KDM4C: variants seen among roughly 807,000 people sequenced by gnomAD.
KDM4C encodes lysine demethylase 4C.
Under a neutral mutation model 129.3 loss-of-function variants are expected in KDM4C, and 81 were observed. The ratio of observed to expected loss-of-function variants is 0.63; its 90% CI spans 0.52 to 0.75. The LOEUF (loss-of-function observed/expected upper bound fraction) is 0.75. Ranked by LOEUF, KDM4C falls within the 30% of genes least tolerant of loss-of-function variation. KDM4C has a pLI of 0.00. For missense variants in KDM4C, 1,457 were observed against 1,304.0 expected (o/e 1.12, Z -1.81); for synonymous variants, 573 against 456.1 (o/e 1.26, Z -3.26).
chr9:6,793,228 GA>G, intron 2 of KDM4C, 96 bp downstream of exon 2: 1 of 1,326,614 alleles, frequency 7.5e-7, no homozygotes, highest in African/African-American at 1.5e-5. Context: ...TCTGAAGGAA[GA>G]AATTTGCAAA....
chr9:6,965,563 A>G (rs1023314027), intron 8 of KDM4C, among the ~76,000 whole-genome samples: 29 of 152,238 alleles, frequency 1.9e-4, no homozygotes, highest in African/African-American at 3.6e-4. Context: ...TCTGCAGTCA[A>G]TAAGTTGAAT....
intron 1 of KDM4C, among the ~76,000 whole-genome samples, chr9:6,789,948 C>G (rs1826209637): frequency 1.3e-5 from 2 of 151,864 alleles, no homozygotes; most frequent in South Asian, 4.2e-4. Context: ...TCTCCTACTT[C>G]CTCATGTGTG....
chr9:7,023,242 AT>A (rs1177436215), intron 15 of KDM4C, among the ~76,000 whole-genome samples: 2 of 152,154 alleles, frequency 1.3e-5, no homozygotes, highest in Non-Finnish European at 2.9e-5. Context: ...GTTTGGTAGA[AT>A]TCAGCACTGA....
intron 15 of KDM4C, among the ~76,000 whole-genome samples, chr9:7,029,553 A>G (rs1359448318): frequency 1.3e-5 from 2 of 151,902 alleles, no homozygotes; most frequent in Non-Finnish European, 2.9e-5. Context: ...AAGAATTTAA[A>G]TTATAAAATT....
At chr9:6,999,141 G>C (rs567486435) in intron 12 of KDM4C, among the ~76,000 whole-genome samples, 37 of 152,302 alleles carry the variant, frequency 2.4e-4, no homozygotes, top group African/African-American at 8.7e-4. Flanking sequence ...AGAATTGGCT[G>C]TTGCCCTTTA....
intron 4 of KDM4C, among the ~76,000 whole-genome samples, chr9:6,843,528 T>C (rs1253221109): frequency 6.6e-6 from 1 of 152,232 alleles, no homozygotes; most frequent in African/African-American, 2.4e-5. Flanking sequence ...AAGACTGGAC[T>C]TTTCCTGTGG....
chr9:6,792,862 A>G, intron 1 of KDM4C, 110 bp from the exon 2 acceptor site: 1 of 1,056,058 alleles, frequency 9.5e-7, no homozygotes, highest in African/African-American at 1.6e-5. Context: ...GGGAATGGGA[A>G]GTGACTGAAA....
At chr9:7,152,330 A>T (rs1842801020) in intron 19 of KDM4C, among the ~76,000 whole-genome samples, 1 of 152,236 alleles carries the variant, frequency 6.6e-6, no homozygotes, top group Non-Finnish European at 1.5e-5. Flanking sequence ...GTTCATCTAT[A>T]CTGTTGCATA....
chr9:6,779,527 C>T (rs1422314197), intron 1 of KDM4C, among the ~76,000 whole-genome samples: 2 of 152,164 alleles, frequency 1.3e-5, no homozygotes, highest in African/African-American at 2.4e-5. Flanking sequence ...TCCTGCTCCC[C>T]AGATCTCAGT....
intron 9 of KDM4C, chr9:6,982,124 A>T (rs1275618567): frequency 6.6e-6 from 1 of 151,996 alleles, no homozygotes; most frequent in Non-Finnish European, 1.5e-5. Flanking sequence ...CATGTATTTA[A>T]TCCCCTGTAG....
chr9:6,877,385 A>G (rs1421402432), intron 5 of KDM4C, among the ~76,000 whole-genome samples: 1 of 152,164 alleles, frequency 6.6e-6, no homozygotes, highest in Non-Finnish European at 1.5e-5. Context: ...TATTTTTAGT[A>G]GAAATGGGGT....
Position 6,778,422 on chromosome 9 carries a change from T to C in KDM4C, c.-17-14550T>C, listed in dbSNP as rs561190298. Among the ~76,000 whole-genome samples the C allele has an allele frequency of 3.3e-5, 5 of 152,156 alleles. No homozygotes were observed. The East Asian group carries it at 5.8e-4, about 18-fold the overall frequency. ...CAGGCCTTTGTAGCTAAATAACTTA[T>C]TCACTCAAGTGACAGCTCTCTGCTT... On this transcript the variant is annotated intron_variant, in intron 1 of 21. Transcript: ENST00000381309.
intron 4 of KDM4C, among the ~76,000 whole-genome samples, chr9:6,818,279 T>C (rs1447247953): frequency 1.3e-5 from 2 of 152,234 alleles, no homozygotes; most frequent in African/African-American, 4.8e-5. Flanking sequence ...ACTACCAATT[T>C]CAAATCGTAC....
intron 8 of KDM4C, among the ~76,000 whole-genome samples, chr9:6,956,884 T>C (rs1359171920): frequency 1.3e-5 from 2 of 152,200 alleles, no homozygotes; most frequent in South Asian, 2.1e-4. Flanking sequence ...TGGAGCGCTA[T>C]AGTTTCTGGT....
At chr9:7,132,619 A>C (rs1262355927) in intron 19 of KDM4C, among the ~76,000 whole-genome samples, 2 of 152,208 alleles carry the variant, frequency 1.3e-5, no homozygotes, top group African/African-American at 4.8e-5. Flanking sequence ...ATTGGGACAC[A>C]CTTCTGATGA....
intron 1 of KDM4C, among the ~76,000 whole-genome samples, chr9:6,768,105 G>A (rs1414992903): frequency 6.6e-6 from 1 of 152,056 alleles, no homozygotes; most frequent in Non-Finnish European, 1.5e-5. Flanking sequence ...CCCTTTTAGG[G>A]AATATGAACT....
intron 18 of KDM4C, among the ~76,000 whole-genome samples, chr9:7,121,779 A>T (rs1839515430): frequency 6.6e-6 from 1 of 152,002 alleles, no homozygotes; most frequent in East Asian, 1.9e-4. Context: ...TATCTAGAAC[A>T]ATACCTTCCA....
intron 19 of KDM4C, among the ~76,000 whole-genome samples, chr9:7,152,650 A>G (rs1250219967): frequency 6.6e-6 from 1 of 152,214 alleles, no homozygotes; most frequent in Non-Finnish European, 1.5e-5. Context: ...TTTGAACTTA[A>G]TGTCACTGAA....
At chr9:6,822,957 A>G (rs1054150894) in intron 4 of KDM4C, among the ~76,000 whole-genome samples, 12 of 152,216 alleles carry the variant, frequency 7.9e-5, no homozygotes, top group Admixed American at 7.2e-4. Context: ...GTGACAAAGG[A>G]TCATCAGGTT....
Sources: allele counts gnomAD v4.1 joint callset (sites outside exome capture counted in the v4.1 genomes callset), GRCh38; gene constraint gnomAD v4.1.1; transcripts MANE v1.5; gene names NCBI Gene and HGNC (gene_info 2026-07-23, HGNC 2026-07-21).